The following FTO variants were observed in gnomAD, a reference collection of about 807,000 sequenced individuals.
FTO encodes FTO alpha-ketoglutarate dependent dioxygenase.
A neutral mutation model predicts 63.9 loss-of-function variants in FTO; 47 were observed. That is an observed-to-expected ratio of 0.74 (90% CI 0.58 to 0.94). The LOEUF (loss-of-function observed/expected upper bound fraction) is 0.94, where lower values mean the gene tolerates loss of function less well. Among genes scored for constraint, FTO ranks in the 40% least tolerant of loss-of-function variants. The pLI, the probability that FTO is intolerant of heterozygous loss-of-function variation, is 0.00. For missense variants in FTO, 562 were observed against 618.1 expected (o/e 0.91, Z 0.96); for synonymous variants, 207 against 224.4 (o/e 0.92, Z 0.69).
chr16:54,058,069 GA>G (rs1211731439), intron 8 of FTO, among the ~76,000 whole-genome samples: 2 of 152,102 alleles, frequency 1.3e-5, no homozygotes, highest in African/African-American at 2.4e-5. Flanking sequence ...CATAGGGCCT[GA>G]AGGTGGGTGA....
At chr16:53,915,342 T>A (rs548766597) in intron 7 of FTO, among the ~76,000 whole-genome samples, 13 of 152,346 alleles carry the variant, frequency 8.5e-5, no homozygotes, top group African/African-American at 3.1e-4. Flanking sequence ...TATGCAGCTC[T>A]TATTGACCAA....
chr16:54,061,373 T>TA (rs2085566105), intron 8 of FTO, among the ~76,000 whole-genome samples: 1 of 152,236 alleles, frequency 6.6e-6, no homozygotes, highest in African/African-American at 2.4e-5. Flanking sequence ...CGCAGCCTAT[T>TA]ACATTAAATT....
At chr16:54,096,090 C>T (rs781645494) in intron 8 of FTO, among the ~76,000 whole-genome samples, 27 of 152,054 alleles carry the variant, frequency 1.8e-4, no homozygotes, top group South Asian at 6.2e-4. Flanking sequence ...TAGATCCTGG[C>T]ACCTAGTAAA....
At chr16:53,975,117 G>C (rs1479798844) in intron 8 of FTO, among the ~76,000 whole-genome samples, 1 of 151,700 alleles carries the variant, frequency 6.6e-6, no homozygotes, top group Non-Finnish European at 1.5e-5. Flanking sequence ...TTGAAAACTT[G>C]GTAATATTAG....
intron 4 of FTO, among the ~76,000 whole-genome samples, chr16:53,865,498 A>G (rs1053733676): frequency 6.6e-6 from 1 of 152,110 alleles, no homozygotes; most frequent in Non-Finnish European, 1.5e-5. Context: ...GCAATGTCCT[A>G]AGGTTTTGTG....
chr16:54,032,315 C>T (rs13339176), intron 8 of FTO, among the ~76,000 whole-genome samples: 33,085 of 151,934 alleles, frequency 0.22, 4,762 homozygotes, highest in African/African-American at 0.4. Context: ...AGAAGAGGAA[C>T]GAGCCAAGAG....
chr16:53,848,985 A>C (rs1481453559), intron 4 of FTO, among the ~76,000 whole-genome samples: 1 of 152,214 alleles, frequency 6.6e-6, no homozygotes, highest in Non-Finnish European at 1.5e-5. Context: ...TTGTTACTAT[A>C]CCAATCAGCA....
In FTO at chr16:53,877,172, T is replaced by G. The variant is rs574419389; in HGVS notation, c.976-2672T>G. ...ACTTTGGGAAACAGTCTGGCACATC[T>G]TCAGAAGGTTAAATCCAAAGGTACC... On this transcript the variant is annotated intron_variant, in intron 5 of 8. Coordinates refer to ENST00000471389, the MANE Select transcript of FTO (RefSeq NM_001080432.3). Among the ~76,000 whole-genome samples the G allele has an allele frequency of 6.6e-5, 10 of 152,300 alleles. No homozygotes were observed. The South Asian group carries it at 1.9e-3, about 28-fold the overall frequency.
chr16:54,031,841 G>A (rs2084839327), intron 8 of FTO, among the ~76,000 whole-genome samples: 1 of 152,154 alleles, frequency 6.6e-6, no homozygotes, highest in Non-Finnish European at 1.5e-5. Context: ...TAACCTTGTG[G>A]GCTTTTACTA....
chr16:54,050,504 G>A (rs1381954868), intron 8 of FTO, among the ~76,000 whole-genome samples: 1 of 152,108 alleles, frequency 6.6e-6, no homozygotes, highest in Non-Finnish European at 1.5e-5. Context: ...AGAAGGTTCT[G>A]GGTCATGGAA....
intron 8 of FTO, among the ~76,000 whole-genome samples, chr16:54,000,965 T>C (rs949529511): frequency 6.6e-6 from 1 of 152,214 alleles, no homozygotes; most frequent in Non-Finnish European, 1.5e-5. Flanking sequence ...TTTATTTCTC[T>C]GGGCCCCATT....
chr16:53,953,859 G>A (rs2143552153), intron 8 of FTO, among the ~76,000 whole-genome samples: 1 of 152,298 alleles, frequency 6.6e-6, no homozygotes, highest in South Asian at 2.1e-4. Context: ...TAGGTACAGT[G>A]TCCATTCTCC....
At chr16:53,943,105 T>G (rs570968760) in intron 8 of FTO, among the ~76,000 whole-genome samples, 1 of 152,364 alleles carries the variant, frequency 6.6e-6, no homozygotes, top group Non-Finnish European at 1.5e-5. Context: ...AAGTTCTTTG[T>G]GTTTCTGATC....
At chr16:53,996,704 G>A (rs1250462890) in intron 8 of FTO, among the ~76,000 whole-genome samples, 1 of 152,120 alleles carries the variant, frequency 6.6e-6, no homozygotes, top group Non-Finnish European at 1.5e-5. Context: ...GGGCTGAGGA[G>A]GCCTCAGGAA....
At chr16:53,870,553 A>G (rs112562433) in intron 4 of FTO, among the ~76,000 whole-genome samples, 7 of 152,344 alleles carry the variant, frequency 4.6e-5, no homozygotes, top group African/African-American at 1.7e-4. Context: ...TGACAAAATT[A>G]CATCTCATTG....
intron 8 of FTO, among the ~76,000 whole-genome samples, chr16:54,001,950 C>T (rs2084078221): frequency 6.6e-6 from 1 of 152,224 alleles, no homozygotes; most frequent in Non-Finnish European, 1.5e-5. Flanking sequence ...CCAGAAGGGG[C>T]TTCCTTTGGG....
At chr16:53,739,272 G>A (rs2151533953) in intron 1 of FTO, among the ~76,000 whole-genome samples, 1 of 152,076 alleles carries the variant, frequency 6.6e-6, no homozygotes, top group Non-Finnish European at 1.5e-5. Flanking sequence ...ATGGCACGAT[G>A]TCGGCTCACT....
At chr16:53,961,247 G>A (rs1398454892) in intron 8 of FTO, among the ~76,000 whole-genome samples, 1 of 151,994 alleles carries the variant, frequency 6.6e-6, no homozygotes, top group African/African-American at 2.4e-5. Flanking sequence ...TAGAGTTATA[G>A]CGAGCAGACC....
chr16:54,056,677 A>G (rs12447427), intron 8 of FTO, among the ~76,000 whole-genome samples: 10,336 of 152,214 alleles, frequency 0.068, 501 homozygotes, highest in East Asian at 0.14. Context: ...CTGATTTTGG[A>G]AGGCGATTTT....
Sources: gnomAD v4.1 joint callset for allele counts (sites outside exome capture counted in the v4.1 genomes callset) on GRCh38, gnomAD v4.1.1 for gene constraint, MANE v1.5 for transcripts, NCBI Gene and HGNC (gene_info 2026-07-23, HGNC 2026-07-21) for gene names.